ADCY8: variants seen among roughly 807,000 people sequenced by gnomAD.
ADCY8 encodes the protein adenylate cyclase 8.
In ADCY8, 51 loss-of-function variants were observed where a neutral mutation model predicts 119.7. The ratio of observed to expected loss-of-function variants is 0.43; its 90% CI spans 0.34 to 0.54. The LOEUF (loss-of-function observed/expected upper bound fraction) is 0.54. Among genes scored for constraint, ADCY8 ranks in the 20% least tolerant of loss-of-function variants. The probability of loss-of-function intolerance (pLI) is 0.03; values close to 1 mark genes in which losing one functional copy is unlikely to be tolerated. For missense variants in ADCY8, 1,383 were observed against 1,598.8 expected (o/e 0.87, Z 2.30); for synonymous variants, 665 against 651.0 (o/e 1.02, Z -0.33).
Position 130,986,606 on chromosome 8 carries a change from A to G in ADCY8, c.1110+3787T>C, listed in dbSNP as rs1337210134. On this transcript the variant is annotated intron_variant, in intron 2 of 17. Transcript: ENST00000286355. ...GGAGACAAAAGCAAGCCTCCTGGAG[A>G]AAGGAATGCTGAGGCAGAAGAGTAG... Among the ~76,000 whole-genome samples the G allele has an allele frequency of 2.0e-5, 3 of 152,210 alleles. No homozygotes were observed. In the East Asian group the frequency reaches 5.8e-4, roughly 29 times the overall value.
In ADCY8 at chr8:131,025,830, C is replaced by T. The variant is rs79479209; in HGVS notation, c.960+13544G>A. 4.1e-3 allele frequency among the ~76,000 whole-genome samples: 622 copies of T among 152,312 alleles called. 5 individuals carry two copies. Among genetic ancestry groups the T allele is most frequent in the African/African-American group, 0.015 (604 of 41,570 alleles). On this transcript the variant is annotated intron_variant, in intron 1 of 17. Transcript: ENST00000286355. ...TAAGCTTTGTACCCTGGATGCCTCA[C>T]TTTTCTCAACTAATCATGGCCCCAC...
intron 15 of ADCY8, among the ~76,000 whole-genome samples, chr8:130,794,234 ATTTG>A (rs946015530): frequency 4.0e-5 from 6 of 151,818 alleles, no homozygotes; most frequent in Non-Finnish European, 7.4e-5. Context: ...TGCATTCTGG[ATTTG>A]TTTGTTTGTT....
intron 2 of ADCY8, among the ~76,000 whole-genome samples, chr8:130,971,046 A>T (rs112523072): frequency 0.017 from 2,641 of 152,306 alleles, 79 homozygotes; most frequent in African/African-American, 0.059. Context: ...GATGTTATTA[A>T]TATGCTCTCT....
chr8:130,943,497 G>GGGGGGGGGCCCCC, intron 3 of ADCY8, 35 bp from the exon 4 acceptor site: 9 of 491,334 alleles, frequency 1.8e-5, no homozygotes, highest in East Asian at 1.6e-4. Flanking sequence ...GTGGGGGGAG[G>GGGGGGGGGCCCCC]AAGTATATTA....
chr8:130,780,975 C>G, intron 17 of ADCY8, 98 bp from the exon 18 acceptor site: 1 of 1,492,684 alleles, frequency 6.7e-7, no homozygotes, highest in East Asian at 2.3e-5. Context: ...TGTGTGGGGT[C>G]TCTGTGGATG....
chr8:130,799,372 C>G (rs1204822045), intron 15 of ADCY8, among the ~76,000 whole-genome samples: 1 of 152,130 alleles, frequency 6.6e-6, no homozygotes, highest in Non-Finnish European at 1.5e-5. Flanking sequence ...ACACATATAT[C>G]AAAACATCAC....
At chr8:130,994,462 A>G (rs942462882) in intron 1 of ADCY8, among the ~76,000 whole-genome samples, 4 of 152,184 alleles carry the variant, frequency 2.6e-5, no homozygotes, top group African/African-American at 9.7e-5. Context: ...TTTGTAACTG[A>G]TATCTTATCC....
At chr8:130,938,338 T>C (rs963172280) in intron 4 of ADCY8, among the ~76,000 whole-genome samples, 3 of 152,202 alleles carry the variant, frequency 2.0e-5, no homozygotes, top group African/African-American at 7.2e-5. Context: ...TGCCTCTTTC[T>C]ATGAGGAAGA....
At chr8:130,931,517 G>T (rs913490060) in intron 5 of ADCY8, among the ~76,000 whole-genome samples, 2 of 151,870 alleles carry the variant, frequency 1.3e-5, no homozygotes, top group African/African-American at 4.8e-5. Flanking sequence ...GCTACTATTT[G>T]TTTAAATAAG....
At chr8:130,879,027 A>G (rs111973460) in intron 8 of ADCY8, among the ~76,000 whole-genome samples, 15 of 152,284 alleles carry the variant, frequency 9.9e-5, no homozygotes, top group African/African-American at 3.6e-4. Context: ...ATAATTCCAA[A>G]TAAGTGTTCC....
intron 2 of ADCY8, among the ~76,000 whole-genome samples, chr8:130,969,158 AT>A (rs1337111239): frequency 6.6e-6 from 1 of 152,236 alleles, no homozygotes; most frequent in East Asian, 1.9e-4. Context: ...ATTTAAATTG[AT>A]GGACTTTGAG....
At chr8:130,968,215 G>A (rs1182874285) in intron 2 of ADCY8, among the ~76,000 whole-genome samples, 2 of 151,296 alleles carry the variant, frequency 1.3e-5, no homozygotes, top group African/African-American at 4.9e-5. Context: ...CTGTCACCCA[G>A]GCTGGAGTGC....
At chr8:130,811,067 C>G (rs575896281) in intron 14 of ADCY8, among the ~76,000 whole-genome samples, 14 of 152,128 alleles carry the variant, frequency 9.2e-5, no homozygotes, top group Non-Finnish European at 1.5e-4. Context: ...CATCAAGAAG[C>G]TCTTGCAACA....
intron 2 of ADCY8, among the ~76,000 whole-genome samples, chr8:130,964,065 A>G (rs923209514): frequency 3.9e-5 from 6 of 152,294 alleles, no homozygotes; most frequent in Middle Eastern, 6.8e-3. Flanking sequence ...CTGAAGTGAC[A>G]CTACCTCCAT....
At position 130,885,369 on chromosome 8, in the gene ADCY8, T is replaced by C. The variant is rs147064908; in HGVS notation, c.1912-608A>G. On this transcript the variant is annotated intron_variant, in intron 7 of 17. Transcript: ENST00000286355. ...GCCATTATATATCTATATATTCATA[T>C]AGATATATGTGTGTAATTTCTTTTA... Among the ~76,000 whole-genome samples the C allele has an allele frequency of 1.0e-3, 152 of 152,194 alleles. 1 individual carries two copies. In the East Asian group the frequency reaches 0.028, roughly 28 times the overall value.
intron 1 of ADCY8, among the ~76,000 whole-genome samples, chr8:131,017,057 A>T (rs1209860689): frequency 1.3e-5 from 2 of 151,124 alleles, no homozygotes; most frequent in Non-Finnish European, 2.9e-5. Flanking sequence ...TGGAATGTCC[A>T]TTGGAATGTA....
chr8:130,857,700 A>G (rs1817791725), intron 9 of ADCY8, among the ~76,000 whole-genome samples: 1 of 152,210 alleles, frequency 6.6e-6, no homozygotes, highest in African/African-American at 2.4e-5. Context: ...GCATCCTCTG[A>G]TGCTCAATTT....
chr8:130,911,460 T>G (rs944729601), intron 5 of ADCY8, among the ~76,000 whole-genome samples: 3 of 152,138 alleles, frequency 2.0e-5, no homozygotes, highest in Admixed American at 6.5e-5. Context: ...GGTATAGAGA[T>G]AAATTGAACT....
At chr8:130,997,608 A>G (rs1215551002) in intron 1 of ADCY8, among the ~76,000 whole-genome samples, 1 of 152,210 alleles carries the variant, frequency 6.6e-6, no homozygotes, top group Non-Finnish European at 1.5e-5. Context: ...GAGTCTCCTG[A>G]TATTGGCCAG....
Sources: gnomAD v4.1 joint callset for allele counts (sites outside exome capture counted in the v4.1 genomes callset) on GRCh38, gnomAD v4.1.1 for gene constraint, MANE v1.5 for transcripts, NCBI Gene and HGNC (gene_info 2026-07-23, HGNC 2026-07-21) for gene names.